Variants in SLC10A7 observed in about 807,000 individuals in gnomAD.
The protein encoded by SLC10A7 is solute carrier family 10 member 7.
Under a neutral mutation model 43.2 loss-of-function variants are expected in SLC10A7, and 29 were observed. That is an observed-to-expected ratio of 0.67 (90% CI 0.50 to 0.92). SLC10A7 has a LOEUF of 0.92. Ranked by LOEUF, SLC10A7 falls within the 40% of genes least tolerant of loss-of-function variation. The probability of loss-of-function intolerance (pLI) is 0.00; values close to 1 mark genes in which losing one functional copy is unlikely to be tolerated. For synonymous variants in SLC10A7, 152 were observed against 144.8 expected (o/e 1.05, Z -0.35); for missense variants, 295 against 403.2 (o/e 0.73, Z 2.30).
rs963731535 is a variant in SLC10A7, at chr4:146,256,216, T to C, written c.*275A>G. The C allele has an allele frequency of 1.7e-5, 8 of 477,138 alleles. No individual in the cohort carries two copies. Among genetic ancestry groups the C allele is most frequent in the Non-Finnish European group, 2.6e-5 (7 of 264,742 alleles). 29.6% of individuals were successfully genotyped at this position (477,138 alleles called of 1,614,324 possible). ...ACAAAGGTGCTGCAGGGAAAGCATG[T>C]TTGCTTTTTGTCACTTACCATGACT... On this transcript the variant is annotated 3_prime_UTR_variant, in exon 12 of 12. Transcript: ENST00000335472.
At chr4:146,371,785 C>G (rs868110343) in intron 5 of SLC10A7, among the ~76,000 whole-genome samples, 1 of 152,112 alleles carries the variant, frequency 6.6e-6, no homozygotes, top group Non-Finnish European at 1.5e-5. Context: ...AACAGGGCCT[C>G]ACTTGTAATA....
At chr4:146,403,119 T>C (rs1390209539) in intron 5 of SLC10A7, among the ~76,000 whole-genome samples, 1 of 152,226 alleles carries the variant, frequency 6.6e-6, no homozygotes, top group Admixed American at 6.5e-5. Flanking sequence ...TTACTGCTAG[T>C]AGTAGTTATT....
chr4:146,301,186 G>A (rs933440836), intron 7 of SLC10A7, among the ~76,000 whole-genome samples: 12 of 152,288 alleles, frequency 7.9e-5, no homozygotes, highest in African/African-American at 1.7e-4. Context: ...GATGGGAGAC[G>A]TGGAATTTAA....
intron 9 of SLC10A7, 33 bp downstream of exon 9, chr4:146,292,896 A>G (rs777925649): frequency 6.7e-7 from 1 of 1,482,680 alleles, no homozygotes; most frequent in Non-Finnish European, 9.3e-7. Context: ...CCTAATTTAG[A>G]AAACTAATAA....
chr4:146,421,436 C>G (rs1354324328), intron 5 of SLC10A7, among the ~76,000 whole-genome samples: 2 of 152,154 alleles, frequency 1.3e-5, no homozygotes, highest in Admixed American at 6.5e-5. Context: ...CACCAACTTA[C>G]CAATAAACAC....
At chr4:146,398,103 A>G (rs1738965086) in intron 5 of SLC10A7, among the ~76,000 whole-genome samples, 1 of 152,212 alleles carries the variant, frequency 6.6e-6, no homozygotes, top group Non-Finnish European at 1.5e-5. Flanking sequence ...GCGTCTTGAC[A>G]TTTCTGAAAA....
chr4:146,326,030 C>G, intron 5 of SLC10A7, 34 bp from the exon 6 acceptor site: 1 of 1,599,972 alleles, frequency 6.3e-7, no homozygotes, highest in Non-Finnish European at 8.5e-7. Context: ...GATCATTTAT[C>G]AGCCTGGAAA....
chr4:146,519,983 A>C (rs1685832072), intron 1 of SLC10A7, among the ~76,000 whole-genome samples: 1 of 152,224 alleles, frequency 6.6e-6, no homozygotes, highest in African/African-American at 2.4e-5. Context: ...TATGGAACAC[A>C]TAAGTTTGCA....
intron 5 of SLC10A7, among the ~76,000 whole-genome samples, chr4:146,435,972 T>A (rs1339767783): frequency 1.3e-5 from 2 of 152,034 alleles, no homozygotes; most frequent in African/African-American, 4.8e-5. Context: ...TGTTAAAGGG[T>A]AATAAAATAA....
intron 5 of SLC10A7, among the ~76,000 whole-genome samples, chr4:146,352,614 A>T (rs1254587063): frequency 7.0e-6 from 1 of 143,472 alleles, no homozygotes; most frequent in African/African-American, 2.6e-5. Context: ...CACCTATTCC[A>T]AAATTGACCA....
intron 6 of SLC10A7, among the ~76,000 whole-genome samples, chr4:146,317,576 A>G (rs1560792277): frequency 6.6e-6 from 1 of 152,026 alleles, no homozygotes; most frequent in Non-Finnish European, 1.5e-5. Context: ...TCTGGAAGAT[A>G]TTAGCATTTA....
At chr4:146,486,795 C>T (rs1734957569) in intron 4 of SLC10A7, among the ~76,000 whole-genome samples, 1 of 152,212 alleles carries the variant, frequency 6.6e-6, no homozygotes, top group Non-Finnish European at 1.5e-5. Flanking sequence ...CCCTATAGGG[C>T]AGTGGCAGTC....
At chr4:146,256,843 G>A in intron 11 of SLC10A7, 1 of 1,535,444 alleles carries the variant, frequency 6.5e-7, no homozygotes, top group Non-Finnish European at 8.7e-7. Context: ...ATGGACTCTT[G>A]GTATTTATTT....
intron 7 of SLC10A7, among the ~76,000 whole-genome samples, chr4:146,305,317 T>A (rs1382266516): frequency 6.6e-6 from 1 of 150,844 alleles, no homozygotes; most frequent in Non-Finnish European, 1.5e-5. Flanking sequence ...CAGTAAACTA[T>A]CGCAACAACA....
chr4:146,437,071 C>A (rs185178999), intron 5 of SLC10A7, among the ~76,000 whole-genome samples: 85 of 152,214 alleles, frequency 5.6e-4, no homozygotes, highest in African/African-American at 2.0e-3. Flanking sequence ...TTCTTCCCCA[C>A]ATTTATGCTT....
intron 7 of SLC10A7, 88 bp from the exon 8 acceptor site, chr4:146,294,183 A>G (rs1324228054): frequency 1.9e-6 from 2 of 1,062,632 alleles, no homozygotes; most frequent in East Asian, 2.7e-5. Context: ...CAGGAGAAAG[A>G]CATAAAGGAA....
At chr4:146,450,975 C>A (rs1202632410) in intron 4 of SLC10A7, among the ~76,000 whole-genome samples, 2 of 150,006 alleles carry the variant, frequency 1.3e-5, no homozygotes, top group African/African-American at 2.5e-5. Flanking sequence ...ATCATAAAAG[C>A]AGCGAGGAAA....
intron 5 of SLC10A7, among the ~76,000 whole-genome samples, chr4:146,332,179 T>TA: frequency 6.6e-6 from 1 of 152,308 alleles, no homozygotes; most frequent in Admixed American, 6.5e-5. Flanking sequence ...ATCAAACATT[T>TA]AGCAGTTATG....
chr4:146,476,092 C>A (rs552671197), intron 4 of SLC10A7, among the ~76,000 whole-genome samples: 5 of 152,090 alleles, frequency 3.3e-5, no homozygotes, highest in Non-Finnish European at 7.4e-5. Flanking sequence ...GAATTAACAC[C>A]TAAAAGATGA....
Sources: allele counts gnomAD v4.1 joint callset (sites outside exome capture counted in the v4.1 genomes callset), GRCh38; gene constraint gnomAD v4.1.1; transcripts MANE v1.5; gene names NCBI Gene and HGNC (gene_info 2026-07-23, HGNC 2026-07-21).